The following CNBD1 variants were observed in gnomAD, a reference collection of about 807,000 sequenced individuals.
CNBD1 encodes cyclic nucleotide binding domain containing 1, also known as cyclic nucleotide-binding domain-containing protein 1.
Under a neutral mutation model 54.4 loss-of-function variants are expected in CNBD1, and 71 were observed. The observed-to-expected ratio is 1.30, with a 90% confidence interval of 1.08 to 1.59. The LOEUF (loss-of-function observed/expected upper bound fraction) is 1.59. CNBD1 is among the 40% of genes most tolerant of loss of function. CNBD1 has a pLI of 0.00. For synonymous variants in CNBD1, 182 were observed against 170.7 expected, an observed-to-expected ratio of 1.07 and a Z score of -0.51; for missense variants, 659 against 518.0, an observed-to-expected ratio of 1.27 and a Z score of -2.64.
At chr8:87,309,652 A>G (rs1175492736) in intron 8 of CNBD1, among the ~76,000 whole-genome samples, 3 of 152,094 alleles carry the variant, frequency 2.0e-5, no homozygotes, top group Non-Finnish European at 4.4e-5. Context: ...CTGTATCTAT[A>G]TCTTTATCAC....
intron 2 of CNBD1, among the ~76,000 whole-genome samples, chr8:87,393,523 G>A (rs1023494246): frequency 3.3e-5 from 5 of 151,842 alleles, no homozygotes; most frequent in Non-Finnish European, 7.4e-5. Flanking sequence ...TTTGGGAATT[G>A]CAAAAGAACT....
At chr8:87,284,152 A>G (rs1184633356) in intron 6 of CNBD1, among the ~76,000 whole-genome samples, 1 of 152,116 alleles carries the variant, frequency 6.6e-6, no homozygotes. Context: ...GCAACTATAT[A>G]TAATATCATT....
chr8:87,059,166 T>G (rs777601492), intron 4 of CNBD1, among the ~76,000 whole-genome samples: 1 of 152,182 alleles, frequency 6.6e-6, no homozygotes, highest in Non-Finnish European at 1.5e-5. Context: ...GCCTTGACTT[T>G]ATTGTCCATA....
chr8:86,957,357 G>C (rs58606544), intron 4 of CNBD1, among the ~76,000 whole-genome samples: 1 of 152,152 alleles, frequency 6.6e-6, no homozygotes, highest in South Asian at 2.1e-4. Flanking sequence ...ATGAGTTAGG[G>C]AGGATTCCCT....
At chr8:87,275,595 G>T (rs1003511421) in intron 6 of CNBD1, among the ~76,000 whole-genome samples, 8 of 151,564 alleles carry the variant, frequency 5.3e-5, no homozygotes, top group Admixed American at 4.6e-4. Flanking sequence ...AGCTATCTGT[G>T]ACAAACCCAC....
chr8:87,214,627 C>T (rs997870328), intron 5 of CNBD1, among the ~76,000 whole-genome samples: 6 of 152,144 alleles, frequency 3.9e-5, no homozygotes, highest in African/African-American at 1.2e-4. Context: ...CTAATAAAGA[C>T]ATGTCTGAGA....
chr8:87,358,356 A>G (rs1810460903), intron 10 of CNBD1, among the ~76,000 whole-genome samples: 1 of 152,202 alleles, frequency 6.6e-6, no homozygotes, highest in South Asian at 2.1e-4. Flanking sequence ...ACATTCAAAT[A>G]CAACCTCCCT....
At chr8:87,156,467 C>T (rs1223786733) in intron 4 of CNBD1, among the ~76,000 whole-genome samples, 1 of 149,362 alleles carries the variant, frequency 6.7e-6, no homozygotes. Flanking sequence ...CTGGTCTCAA[C>T]CCCTGACCTC....
chr8:87,272,916 G>T (rs915999159), intron 6 of CNBD1, among the ~76,000 whole-genome samples: 2 of 151,708 alleles, frequency 1.3e-5, no homozygotes, highest in African/African-American at 4.8e-5. Flanking sequence ...AATATTTTTA[G>T]TTCTTCATGC....
rs541856763 is a variant in CNBD1, at chr8:86,894,711, CCT to C, written c.158+7101_158+7102del. On this transcript the variant is annotated intron_variant, in intron 2 of 10. Coordinates refer to ENST00000518476, the MANE Select transcript of CNBD1 (RefSeq NM_173538.3). ...CCCTCCCTTCTCCCTATCCTCAACC[CCT>C]GACAACCACTGATTTTTTTCCTCTG... Among the ~76,000 whole-genome samples, 325 of 152,236 alleles carry C rather than the reference CCT, an allele frequency of 2.1e-3. 2 individuals are homozygous for C. Among genetic ancestry groups the C allele is most frequent in the African/African-American group, 7.4e-3 (309 of 41,544 alleles).
At chr8:87,387,710 T>A (rs1010922530), downstream of CNBD1, among the ~76,000 whole-genome samples, 3 of 152,008 alleles carry the variant, frequency 2.0e-5, no homozygotes, top group Non-Finnish European at 4.4e-5. Flanking sequence ...GACAGAAAGT[T>A]AACAAGGATA....
At chr8:87,096,440 C>CT (rs1034810798) in intron 4 of CNBD1, among the ~76,000 whole-genome samples, 13 of 151,058 alleles carry the variant, frequency 8.6e-5, no homozygotes, top group Non-Finnish European at 1.5e-4. Context: ...TACCACCCTA[C>CT]TCCAAATACA....
At chr8:87,137,195 TTATA>T (rs530392551) in intron 4 of CNBD1, among the ~76,000 whole-genome samples, 1 of 142,592 alleles carries the variant, frequency 7.0e-6, no homozygotes, top group African/African-American at 2.6e-5. Context: ...TCTATATAAA[TTATA>T]TATATATTAT....
chr8:87,100,314 A>G (rs1013326016), intron 4 of CNBD1, among the ~76,000 whole-genome samples: 3 of 152,192 alleles, frequency 2.0e-5, no homozygotes, highest in South Asian at 4.1e-4. Context: ...TTAAAAGAAA[A>G]TATTTGACGA....
intron 6 of CNBD1, among the ~76,000 whole-genome samples, chr8:87,240,066 ACACACACAC>A (rs1271417424): frequency 5.5e-5 from 1 of 18,122 alleles, no homozygotes; most frequent in Admixed American, 5.5e-4. Flanking sequence ...CTGTGCCAAA[ACACACACAC>A]ACACACACAC....
At chr8:87,036,729 C>T (rs566388815) in intron 4 of CNBD1, among the ~76,000 whole-genome samples, 1 of 150,728 alleles carries the variant, frequency 6.6e-6, no homozygotes, top group East Asian at 2.0e-4. Flanking sequence ...CTATATCTGT[C>T]ATTGATTTGT....
chr8:86,870,189 C>CCTTTTTTTTTTTTTTTTTTTTTTTTT (rs1554626453), intron 1 of CNBD1, among the ~76,000 whole-genome samples: 1 of 100,624 alleles, frequency 9.9e-6, no homozygotes, highest in African/African-American at 4.0e-5. Context: ...AGATAGTACT[C>CCTTTTTTTTTTTTTTTTTTTTTTTTT]TTTTTTTTTT....
chr8:87,172,698 C>CT (rs1412216571), intron 4 of CNBD1, among the ~76,000 whole-genome samples: 1 of 151,854 alleles, frequency 6.6e-6, no homozygotes, highest in East Asian at 1.9e-4. Flanking sequence ...TACTCCTGTT[C>CT]TTTTTTTCAT....
At chr8:87,263,596 C>A (rs1485962515) in intron 6 of CNBD1, among the ~76,000 whole-genome samples, 3 of 151,860 alleles carry the variant, frequency 2.0e-5, no homozygotes, top group African/African-American at 7.3e-5. Context: ...AGTATGACAT[C>A]CAACGAACAC....
Sources: allele counts gnomAD v4.1 joint callset (sites outside exome capture counted in the v4.1 genomes callset), GRCh38; gene constraint gnomAD v4.1.1; transcripts MANE v1.5; gene names NCBI Gene and HGNC (gene_info 2026-07-23, HGNC 2026-07-21).